The following NEURL1 variants were observed in gnomAD, a reference collection of about 807,000 sequenced individuals.
NEURL1 encodes the protein E3 ubiquitin-protein ligase NEURL1.
In NEURL1, 26 loss-of-function variants were observed where a neutral mutation model predicts 41.2. The ratio of observed to expected loss-of-function variants is 0.63; its 90% CI spans 0.46 to 0.87. The LOEUF is 0.87. NEURL1 is among the 40% of genes least tolerant of loss of function. The pLI is 0.00. For missense variants in NEURL1, 761 were observed against 871.1 expected (o/e 0.87, Z 1.59); for synonymous variants, 400 against 402.3 (o/e 0.99, Z 0.07).
intron 1 of NEURL1, among the ~76,000 whole-genome samples, chr10:103,513,300 C>A (rs1183014621): frequency 6.6e-6 from 1 of 152,246 alleles, no homozygotes; most frequent in Non-Finnish European, 1.5e-5. Context: ...TTAGTCTTGT[C>A]CAGCTAACAT....
At chr10:103,542,572 A>C (rs765874800) in intron 1 of NEURL1, among the ~76,000 whole-genome samples, 10 of 152,132 alleles carry the variant, frequency 6.6e-5, no homozygotes, top group Non-Finnish European at 1.2e-4. Flanking sequence ...TCTACCAGTA[A>C]TTTTATTACC....
rs1020717009 is a variant in NEURL1, at chr10:103,558,462, G to T, written c.86-12410G>T. On this transcript the variant is annotated intron_variant, in intron 1 of 5. Transcript: ENST00000369780. The surrounding 1 kb of genome is among the most constrained non-coding windows in gnomAD (Gnocchi z 4.2). ...TGTTGCCGGGCCTGTGTTTCCATGCGGGGGCAGCCACATCTGTGGTACTCT... is the reference window on the plus strand; with the variant it reads ...TGTTGCCGGGCCTGTGTTTCCATGCTGGGGCAGCCACATCTGTGGTACTCT... Among the ~76,000 whole-genome samples, 1 of 151,872 alleles carries T rather than the reference G, an allele frequency of 6.6e-6. No individual in the cohort carries two copies. The highest frequency in any genetic ancestry group is 2.1e-4 in the South Asian group (1 of 4,800).
At chr10:103,518,038 A>G (rs559984458) in intron 1 of NEURL1, among the ~76,000 whole-genome samples, 2 of 152,224 alleles carry the variant, frequency 1.3e-5, no homozygotes, top group Non-Finnish European at 2.9e-5. Flanking sequence ...GCCCTGATCC[A>G]TGAACAGTCA....
intron 5 of NEURL1, 94 bp downstream of exon 5, chr10:103,589,754 G>A (rs1182141191): frequency 1.1e-5 from 17 of 1,492,398 alleles, no homozygotes; most frequent in Non-Finnish European, 1.4e-5. Flanking sequence ...GAGAGGAGCT[G>A]GAGTTGGGCT....
chr10:103,587,593 GC>G (rs2133886696), intron 4 of NEURL1, among the ~76,000 whole-genome samples: 1 of 152,332 alleles, frequency 6.6e-6, no homozygotes, highest in Admixed American at 6.5e-5. Context: ...TGGCTTTGTG[GC>G]TAGCCTAAGT....
intron 1 of NEURL1, among the ~76,000 whole-genome samples, chr10:103,509,658 GT>G (rs2034026952): frequency 6.6e-6 from 1 of 152,190 alleles, no homozygotes; most frequent in South Asian, 2.1e-4. Flanking sequence ...GCTCATTTCT[GT>G]ATAAGAAGAG....
intron 1 of NEURL1, among the ~76,000 whole-genome samples, chr10:103,509,908 G>C (rs1479346866): frequency 6.6e-6 from 1 of 152,152 alleles, no homozygotes; most frequent in African/African-American, 2.4e-5. Context: ...TCCGTTTCAG[G>C]GTCCAGGATT....
chr10:103,498,527 A>G (rs889475255), intron 1 of NEURL1, among the ~76,000 whole-genome samples: 3 of 151,904 alleles, frequency 2.0e-5, no homozygotes, highest in African/African-American at 7.3e-5. Context: ...CGCCAGGCCC[A>G]TTGTTTTTTA....
intron 5 of NEURL1, 60 bp downstream of exon 5, chr10:103,589,720 C>G (rs2035998883): frequency 1.9e-6 from 3 of 1,549,948 alleles, no homozygotes; most frequent in Non-Finnish European, 2.6e-6. Context: ...AAGGATGCAG[C>G]CTTTGTGTCC....
chr10:103,568,383 C>T (rs1010076292), intron 1 of NEURL1, among the ~76,000 whole-genome samples: 6 of 152,038 alleles, frequency 3.9e-5, no homozygotes, highest in African/African-American at 1.5e-4. Flanking sequence ...TTACCCAGGG[C>T]CCCAGGACGT....
At chr10:103,575,518 C>G (rs985990490) in intron 3 of NEURL1, among the ~76,000 whole-genome samples, 1 of 152,204 alleles carries the variant, frequency 6.6e-6, no homozygotes, top group Admixed American at 6.5e-5. Context: ...GGGTAGCTGG[C>G]ACATAGTAGG....
chr10:103,573,081 T>C (rs968197435), intron 3 of NEURL1, among the ~76,000 whole-genome samples: 1 of 151,906 alleles, frequency 6.6e-6, no homozygotes, highest in African/African-American at 2.4e-5. Context: ...TCAGTGATAG[T>C]AAAAACAAAG....
intron 1 of NEURL1, among the ~76,000 whole-genome samples, chr10:103,497,272 A>G (rs2033707227): frequency 6.6e-6 from 1 of 152,092 alleles, no homozygotes; most frequent in African/African-American, 2.4e-5. Flanking sequence ...AGTTCATTCT[A>G]ATTGTGTTGG....
At chr10:103,578,652 C>A (rs2035718525) in intron 3 of NEURL1, among the ~76,000 whole-genome samples, 2 of 152,206 alleles carry the variant, frequency 1.3e-5, no homozygotes, top group South Asian at 4.1e-4. Context: ...CTTGAAGATT[C>A]TCTGAATCTT....
intron 1 of NEURL1, among the ~76,000 whole-genome samples, chr10:103,567,200 T>C (rs1592228728): frequency 1.3e-5 from 2 of 152,062 alleles, no homozygotes; most frequent in African/African-American, 4.8e-5. Flanking sequence ...GCCAGGCTGG[T>C]CTCGAACTCC....
chr10:103,585,024 C>T lies in NEURL1; in HGVS notation c.1138C>T (p.Arg380Cys). ...LPFSPEALVD[R>C]KEFWAVCRVP... ...TTTCAGCCCTGAGGCCCTGGTGGAC[C>T]GCAAGGAATTCTGGGCCGTGTGCCG... is the stretch of plus-strand genomic sequence containing the variant. The change falls in exon 4 of 6, where the codon CGC becomes TGC. Residue 380 changes from arginine to cysteine, a missense_variant. By Grantham distance (180) the Arg-to-Cys change is radical (BLOSUM62 -3). Coordinates refer to ENST00000369780, the MANE Select transcript of NEURL1 (RefSeq NM_004210.5). 6.3e-7 allele frequency: 1 copy of T among 1,583,766 alleles called. No homozygotes were observed. The highest frequency in any genetic ancestry group is 8.5e-7 in the Non-Finnish European group (1 of 1,173,200).
intron 1 of NEURL1, among the ~76,000 whole-genome samples, chr10:103,543,064 G>C (rs1232008989): frequency 1.3e-5 from 2 of 152,156 alleles, no homozygotes; most frequent in Non-Finnish European, 2.9e-5. Flanking sequence ...TGCTATAAAT[G>C]GTTTATGCAA....
chr10:103,586,584 C>A (rs1006924227), intron 4 of NEURL1, among the ~76,000 whole-genome samples: 7 of 151,550 alleles, frequency 4.6e-5, no homozygotes, highest in Admixed American at 2.0e-4. Flanking sequence ...GAGGTAGTTA[C>A]TCTATGAGAT....
At position 103,558,732 on chromosome 10, in the gene NEURL1, G is replaced by A. The variant is rs766286875; in HGVS notation, c.86-12140G>A. ...CTGACAGGGGCGGGAAGGGTAGTGCGAAGAGGGAGGCAGCAGTGACACTGG... is the reference window on the plus strand; with the variant it reads ...CTGACAGGGGCGGGAAGGGTAGTGCAAAGAGGGAGGCAGCAGTGACACTGG... On this transcript the variant is annotated intron_variant, in intron 1 of 5. Coordinates refer to ENST00000369780, the MANE Select transcript of NEURL1 (RefSeq NM_004210.5). The surrounding 1 kb of genome is among the most constrained non-coding windows in gnomAD (Gnocchi z 4.2). Among the ~76,000 whole-genome samples, 42 of 152,266 alleles carry A rather than the reference G, an allele frequency of 2.8e-4. No individual in the cohort carries two copies. The highest frequency in any genetic ancestry group is 6.2e-4 in the South Asian group (3 of 4,816).
Sources: allele counts gnomAD v4.1 joint callset (sites outside exome capture counted in the v4.1 genomes callset), GRCh38; gene constraint gnomAD v4.1.1; non-coding constraint Gnocchi (gnomAD v3.1); transcripts MANE v1.5; gene names NCBI Gene and HGNC (gene_info 2026-07-23, HGNC 2026-07-21).